Variants in ADGRL3 observed in about 807,000 individuals in gnomAD.
ADGRL3 encodes the protein adhesion G protein-coupled receptor L3.
A neutral mutation model predicts 153.5 loss-of-function variants in ADGRL3; 62 were observed. The observed-to-expected ratio is 0.40, with a 90% CI of 0.33 to 0.50. The LOEUF is 0.50. ADGRL3 is among the 20% of genes least tolerant of loss of function. The pLI is 0.47. For synonymous variants in ADGRL3, 710 were observed against 672.5 expected (o/e 1.06, Z -0.86); for missense variants, 1,641 against 1,859.4 (o/e 0.88, Z 2.16).
intron 8 of ADGRL3, among the ~76,000 whole-genome samples, chr4:61,747,247 A>G (rs1433045206): frequency 5.3e-5 from 8 of 149,838 alleles, no homozygotes; most frequent in Non-Finnish European, 8.9e-5. Context: ...GTCCAGGACC[A>G]GATGGATTCA....
chr4:62,064,949 A>G (rs1742207910), intron 25 of ADGRL3, among the ~76,000 whole-genome samples: 1 of 152,040 alleles, frequency 6.6e-6, no homozygotes, highest in Non-Finnish European at 1.5e-5. Flanking sequence ...TGAATTTAAA[A>G]TTTCTTAAGG....
intron 4 of ADGRL3, among the ~76,000 whole-genome samples, chr4:61,582,489 C>T (rs2098929999): frequency 6.6e-6 from 1 of 151,964 alleles, no homozygotes; most frequent in Non-Finnish European, 1.5e-5. Flanking sequence ...CCTTTGAGCT[C>T]CATTCATGTA....
chr4:61,516,107 G>A (rs143153574), intron 3 of ADGRL3, among the ~76,000 whole-genome samples: 4 of 152,040 alleles, frequency 2.6e-5, no homozygotes, highest in African/African-American at 9.6e-5. Flanking sequence ...TAGATATATT[G>A]TTTAACATAT....
At chr4:61,519,798 A>T (rs1380056660) in intron 4 of ADGRL3, among the ~76,000 whole-genome samples, 3 of 152,204 alleles carry the variant, frequency 2.0e-5, no homozygotes, top group African/African-American at 7.2e-5. Flanking sequence ...CTCCACCTTC[A>T]TAAAACAAAA....
At chr4:61,813,160 C>G (rs1347784581) in intron 8 of ADGRL3, among the ~76,000 whole-genome samples, 1 of 151,984 alleles carries the variant, frequency 6.6e-6, no homozygotes, top group Non-Finnish European at 1.5e-5. Flanking sequence ...TTTGGGAGGC[C>G]AAGGCGAGTG....
intron 8 of ADGRL3, among the ~76,000 whole-genome samples, chr4:61,764,038 C>T (rs1007041173): frequency 3.9e-5 from 6 of 152,112 alleles, no homozygotes; most frequent in African/African-American, 1.4e-4. Flanking sequence ...GTCATGTGAA[C>T]ATGAAAACTT....
chr4:62,007,383 T>TATATATAC (rs71213024), intron 21 of ADGRL3, among the ~76,000 whole-genome samples: 7 of 30,762 alleles, frequency 2.3e-4, no homozygotes, highest in East Asian at 6.7e-4. Context: ...TATATATATA[T>TATATATAC]ACACACACAC....
rs943613463 is a variant in ADGRL3 at position 61,201,273 on chromosome 4, G to GGCA, written c.-719_-717dup. On this transcript the variant is annotated 5_prime_UTR_variant, in exon 1 of 27. Coordinates refer to ENST00000683033, the MANE Select transcript of ADGRL3 (RefSeq NM_001387552.1). ...GCAGCGTCTTTTCTTAAGCGGCGGC[G>GGCA]GCAGCAGCAGCAGCAAGAGAAGGAG... 5.8e-5 allele frequency: 9 copies of GGCA among 154,000 alleles called. No homozygotes were observed. The highest frequency in any genetic ancestry group is 1.9e-4 in the South Asian group (1 of 5,260). 9.5% of individuals were successfully genotyped at this position (154,000 alleles called of 1,614,324 possible). A position where few individuals can be genotyped will look rare whatever the true frequency, so the allele number is the denominator to read the frequency against.
chr4:61,237,247 C>G (rs1346512783), intron 1 of ADGRL3, among the ~76,000 whole-genome samples: 2 of 152,118 alleles, frequency 1.3e-5, no homozygotes, highest in Non-Finnish European at 2.9e-5. Context: ...TAAATCCTTT[C>G]AATTTTAAGT....
intron 17 of ADGRL3, among the ~76,000 whole-genome samples, chr4:61,948,950 A>T (rs28715097): frequency 0.017 from 2,626 of 151,808 alleles, 85 homozygotes; most frequent in African/African-American, 0.061. Context: ...CAACTCAAGC[A>T]GGCTAACAGT....
intron 2 of ADGRL3, among the ~76,000 whole-genome samples, chr4:61,473,033 T>C (rs2097984222): frequency 6.6e-6 from 1 of 152,126 alleles, no homozygotes; most frequent in African/African-American, 2.4e-5. Context: ...AAGAGGACAT[T>C]GGATTTGACA....
chr4:61,765,127 G>T (rs945419282), intron 8 of ADGRL3, among the ~76,000 whole-genome samples: 1 of 152,078 alleles, frequency 6.6e-6, no homozygotes, highest in Non-Finnish European at 1.5e-5. Flanking sequence ...GGCAGTTTGG[G>T]GATAGCACCA....
At chr4:61,664,013 GTCA>G (rs2150636606) in intron 5 of ADGRL3, among the ~76,000 whole-genome samples, 1 of 152,230 alleles carries the variant, frequency 6.6e-6, no homozygotes, top group African/African-American at 2.4e-5. Flanking sequence ...CTGAATAGAT[GTCA>G]TCCATTTGTA....
At chr4:61,878,391 T>C (rs575503000) in intron 9 of ADGRL3, among the ~76,000 whole-genome samples, 1 of 152,344 alleles carries the variant, frequency 6.6e-6, no homozygotes, top group East Asian at 1.9e-4. Flanking sequence ...TTAATGATCA[T>C]ATAATCAGTG....
chr4:61,641,267 ATT>A (rs35499877), intron 5 of ADGRL3, among the ~76,000 whole-genome samples: 227 of 151,056 alleles, frequency 1.5e-3, no homozygotes, highest in African/African-American at 4.5e-3. Context: ...AATAAATCCT[ATT>A]TTTTTTTCGT....
chr4:61,378,884 A>G (rs924363302), intron 1 of ADGRL3, among the ~76,000 whole-genome samples: 4 of 151,992 alleles, frequency 2.6e-5, no homozygotes, highest in African/African-American at 9.7e-5. Flanking sequence ...TGTGTAGACC[A>G]GTGAGACAAG....
intron 1 of ADGRL3, among the ~76,000 whole-genome samples, chr4:61,207,663 C>A (rs1266958147): frequency 6.6e-6 from 1 of 152,162 alleles, no homozygotes; most frequent in Non-Finnish European, 1.5e-5. Flanking sequence ...ACACTCCTAC[C>A]AACAGTGTAA....
chr4:61,845,032 A>G lies in ADGRL3; in HGVS notation c.1480+31143A>G, dbSNP rs556702920. The stretch of plus-strand genomic sequence containing the variant: ...GGGAAAGATGGAAGGACTTTTTCTT[A>G]AAGTAAGCCAGCTTTCCTGTTTATA... On this transcript the variant is annotated intron_variant, in intron 9 of 26. Coordinates refer to ENST00000683033, the MANE Select transcript of ADGRL3 (RefSeq NM_001387552.1). Among the ~76,000 whole-genome samples, 5 of 152,310 alleles carry G rather than the reference A, an allele frequency of 3.3e-5. No individual in the cohort carries two copies. The East Asian group carries it at 9.7e-4, about 29-fold the overall frequency.
intron 2 of ADGRL3, among the ~76,000 whole-genome samples, chr4:61,413,542 G>A (rs1025701630): frequency 6.6e-6 from 1 of 152,166 alleles, no homozygotes; most frequent in African/African-American, 2.4e-5. Context: ...CTTTGATAAT[G>A]TGGGTGTGGG....
Sources: allele counts gnomAD v4.1 joint callset (sites outside exome capture counted in the v4.1 genomes callset), GRCh38; gene constraint gnomAD v4.1.1; transcripts MANE v1.5; gene names NCBI Gene and HGNC (gene_info 2026-07-23, HGNC 2026-07-21).